Variants in SNRNP200 observed in about 807,000 individuals in gnomAD.
The protein encoded by SNRNP200 is small nuclear ribonucleoprotein U5 subunit 200.
SNRNP200 carries 66 observed loss-of-function variants against 255.2 expected under a neutral mutation model. That is an observed-to-expected ratio of 0.26 (90% CI 0.21 to 0.32). SNRNP200 has a LOEUF of 0.32. Among genes scored for constraint, SNRNP200 ranks in the 10% least tolerant of loss-of-function variants. The pLI, the probability that SNRNP200 is intolerant of heterozygous loss-of-function variation, is 1.00. For missense variants in SNRNP200, 1,585 were observed against 2,749.8 expected, an observed-to-expected ratio of 0.58 and a Z score of 9.47; for synonymous variants, 939 against 1,027.8, an observed-to-expected ratio of 0.91 and a Z score of 1.65.
chr2:96,284,067 C>A, intron 31 of SNRNP200, 63 bp from the exon 32 acceptor site: 1 of 1,475,550 alleles, frequency 6.8e-7, no homozygotes, highest in South Asian at 1.2e-5. Flanking sequence ...GCCTGGAGGT[C>A]CCCTTTGTGA....
chr2:96,292,339 G>A (rs1015333182), intron 16 of SNRNP200, among the ~76,000 whole-genome samples: 2 of 152,204 alleles, frequency 1.3e-5, no homozygotes, highest in African/African-American at 4.8e-5. Flanking sequence ...AGTCTTCCTA[G>A]TATTTAGTGC....
At chr2:96,288,805 A>G (rs1450603598) in intron 23 of SNRNP200, 59 bp from the exon 24 acceptor site, 7 of 1,450,294 alleles carry the variant, frequency 4.8e-6, no homozygotes, top group Non-Finnish European at 6.8e-6. Context: ...CAAGAAAGGG[A>G]ATTACATTTC....
chr2:96,296,786 T>C, intron 12 of SNRNP200, 95 bp from the exon 13 acceptor site: 1 of 1,560,116 alleles, frequency 6.4e-7, no homozygotes, highest in Non-Finnish European at 8.8e-7. Flanking sequence ...AGAATAGAGC[T>C]TGTCCTGGGC....
chr2:96,283,643 T>G lies in SNRNP200; in HGVS notation c.4655A>C (p.Lys1552Thr). 1 of 1,614,062 alleles carries G rather than the reference T, an allele frequency of 6.2e-7. No individual in the cohort carries two copies. The highest frequency in any genetic ancestry group is 8.5e-7 in the Non-Finnish European group (1 of 1,180,034). The change falls in exon 33 of 45, where the codon AAG becomes ACG. Residue 1552 changes from lysine to threonine, a missense_variant. Lys to Thr is a moderately conservative substitution (Grantham distance 78). Transcript: ENST00000323853. The surrounding 1 kb of genome is among the most constrained non-coding windows in gnomAD (Gnocchi z 4.7). ...AATGACAGGCTTCTTGGGCGAGTGC[T>G]TGGTGATAGCATGGTACACAGGCTT... ...MAKPVYHAIT[K>T]HSPKKPVIVF... is the part of the protein sequence containing the mutation.
chr2:96,287,341 A>T lies in SNRNP200; in HGVS notation c.3484+98T>A, dbSNP rs2063850153. On this transcript the variant is annotated intron_variant, in intron 26 of 44. Coordinates refer to ENST00000323853, the MANE Select transcript of SNRNP200 (RefSeq NM_014014.5). This position sits in a 1 kb window ranked among gnomAD's most constrained non-coding sequence, Gnocchi z 5.7. ...TCAGTGGGACTTGGGGAGTGAACAC[A>T]GGATACTAATGCACAGGCCTAGGAA... 1 of 1,176,392 alleles carries T rather than the reference A, an allele frequency of 8.5e-7. No homozygotes were observed. The allele number at this position is 1,176,392 out of a possible 1,614,324, so 72.9% of individuals were successfully genotyped here. A position where few individuals can be genotyped will look rare whatever the true frequency, so the allele number is the denominator to read the frequency against.
intron 43 of SNRNP200, among the ~76,000 whole-genome samples, chr2:96,276,053 T>G (rs1264352210): frequency 1.3e-5 from 2 of 152,134 alleles, no homozygotes; most frequent in Non-Finnish European, 2.9e-5. Flanking sequence ...CACAGAGATA[T>G]CCACAGCAGG....
At chr2:96,285,418 A>T in intron 29 of SNRNP200, 78 bp from the exon 30 acceptor site, 1 of 1,488,902 alleles carries the variant, frequency 6.7e-7, no homozygotes, top group Middle Eastern at 2.0e-4. Flanking sequence ...CAATTGTCAA[A>T]ACAAAGGACA....
chr2:96,288,514 A>G (rs1221504526), intron 24 of SNRNP200, 149 bp downstream of exon 24: 2 of 722,248 alleles, frequency 2.8e-6, no homozygotes, highest in Admixed American at 2.0e-5. Flanking sequence ...TGTACCACAC[A>G]TGCACCAACC....
rs776330357 is a variant in SNRNP200, at chr2:96,296,696, G to A, written c.1516-5C>T. ...CACGTTGGTCTTCCCAGCACCCTAC[G>A]GGAGAGGTCAGGGATGAGAACGCCT... On this transcript the variant is annotated splice_polypyrimidine_tract_variant and splice_region_variant and intron_variant, in intron 12 of 44. Coordinates refer to ENST00000323853, the MANE Select transcript of SNRNP200 (RefSeq NM_014014.5). 1.6e-5 allele frequency: 26 copies of A among 1,613,980 alleles called. No homozygotes were observed. Among genetic ancestry groups the A allele is most frequent in the Middle Eastern group, 1.6e-4 (1 of 6,084 alleles).
intron 9 of SNRNP200, 48 bp downstream of exon 9, chr2:96,298,236 G>A: frequency 6.2e-7 from 1 of 1,612,930 alleles, no homozygotes; most frequent in East Asian, 2.2e-5. Flanking sequence ...CAATCTTCTA[G>A]CCACCGTTAG....
In SNRNP200 at chr2:96,285,196, T is replaced by G. The variant is rs748415492; in HGVS notation, c.4148A>C (p.Glu1383Ala). 7.4e-6 allele frequency: 12 copies of G among 1,614,138 alleles called. No homozygotes were observed. The South Asian group carries it at 1.3e-4, about 18-fold the overall frequency. Residue 1383 changes from glutamate (E) to alanine (A), a missense_variant, in exon 30 of 45, where the codon GAG becomes GCG. Coordinates refer to ENST00000323853, the MANE Select transcript of SNRNP200 (RefSeq NM_014014.5). ...ACGTCATACCTGCTCTGCCAGGGCCTCCATGGGGGTGATGTACACACAGCG... is the reference window on the plus strand; with the variant it reads ...ACGTCATACCTGCTCTGCCAGGGCCGCCATGGGGGTGATGTACACACAGCG... Reference protein sequence around the residue: ...EGRCVYITPMEALAEQVYMDW... With the variant: ...EGRCVYITPMAALAEQVYMDW...
chr2:96,274,915 G>A lies in SNRNP200; in HGVS notation c.*97C>T, dbSNP rs1195617866. On this transcript the variant is annotated 3_prime_UTR_variant, in exon 45 of 45. Transcript: ENST00000323853. ...CCAGCCCTGGCTGGCCAGACCTGAG[G>A]CCCACAGACCTGGTCCCCACAACCA... 3 of 1,440,910 alleles carry A rather than the reference G, an allele frequency of 2.1e-6. No homozygotes were observed. The East Asian group carries it at 6.8e-5, about 33-fold the overall frequency. The allele number at this position is 1,440,910 out of a possible 1,614,324, so 89.3% of individuals were successfully genotyped here.
chr2:96,286,293 A>C lies in SNRNP200; in HGVS notation c.4003+18T>G. On this transcript the variant is annotated intron_variant, in intron 29 of 44. Transcript: ENST00000323853. The surrounding 1 kb of genome is among the most constrained non-coding windows in gnomAD (Gnocchi z 4.8). ...CGGTGACTTCAAAAGCCTCCAGAGGAGGGATGGAAACACTTACCCTGGGTC... is the reference window on the plus strand; with the variant it reads ...CGGTGACTTCAAAAGCCTCCAGAGGCGGGATGGAAACACTTACCCTGGGTC... 1.2e-6 allele frequency: 2 copies of C among 1,613,196 alleles called. No individual in the cohort carries two copies. Among genetic ancestry groups the C allele is most frequent in the African/African-American group, 2.7e-5 (2 of 75,020 alleles).
chr2:96,280,259 G>A (rs541075445), intron 35 of SNRNP200, among the ~76,000 whole-genome samples: 1 of 152,324 alleles, frequency 6.6e-6, no homozygotes, highest in Non-Finnish European at 1.5e-5. Flanking sequence ...CACTTTGGGA[G>A]GCTGAGGTGG....
Position 96,284,155 on chromosome 2 carries a change from C to A in SNRNP200, c.4393-151G>T, listed in dbSNP as rs146594434. On this transcript the variant is annotated intron_variant, in intron 31 of 44. Coordinates refer to ENST00000323853, the MANE Select transcript of SNRNP200 (RefSeq NM_014014.5). ...CATGTGTTTGGTTCTACCTCCTCCACGGCAGCCAACCTCCACTAAACAATA... is the reference window on the plus strand; with the variant it reads ...CATGTGTTTGGTTCTACCTCCTCCAAGGCAGCCAACCTCCACTAAACAATA... 29 of 879,520 alleles carry A rather than the reference C, an allele frequency of 3.3e-5. No homozygotes were observed. In the African/African-American group the frequency reaches 4.1e-4, roughly 13 times the overall value. The allele number at this position is 879,520 out of a possible 1,614,324, so 54.5% of individuals were successfully genotyped here.
Position 96,289,384 on chromosome 2 carries a change from A to T in SNRNP200, c.2941-5T>A. 6.2e-7 allele frequency: 1 copy of T among 1,613,720 alleles called. No individual in the cohort carries two copies. The highest frequency in any genetic ancestry group is 8.5e-7 in the Non-Finnish European group (1 of 1,179,896). On this transcript the variant is annotated splice_polypyrimidine_tract_variant and splice_region_variant and intron_variant, in intron 21 of 44. Coordinates refer to ENST00000323853, the MANE Select transcript of SNRNP200 (RefSeq NM_014014.5). The stretch of plus-strand genomic sequence containing the variant: ...TATACGGCCCAGTTCTGTCACCTGG[A>T]GAGAAGGTAGACTCAATCCAGTGCT...
In SNRNP200 at chr2:96,291,646, T is replaced by C. The variant is rs1558768546; in HGVS notation, c.2310+105A>G. ...CATCCAGACAATCAACCTTAACCCA[T>C]GGGAAACAACAATACCACAGTACAG... On this transcript the variant is annotated intron_variant, in intron 17 of 44. Coordinates refer to ENST00000323853, the MANE Select transcript of SNRNP200 (RefSeq NM_014014.5). This position sits in a 1 kb window ranked among gnomAD's most constrained non-coding sequence, Gnocchi z 4.2. 1 of 1,401,860 alleles carries C rather than the reference T, an allele frequency of 7.1e-7. No individual in the cohort carries two copies. The highest frequency in any genetic ancestry group is 1.0e-6 in the Non-Finnish European group (1 of 991,222). 86.8% of individuals were successfully genotyped at this position (1,401,860 alleles called of 1,614,324 possible).
Position 96,300,998 on chromosome 2 carries a change from C to T in SNRNP200, c.630G>A (p.Glu210=). 6.2e-7 allele frequency: 1 copy of T among 1,613,378 alleles called. No homozygotes were observed. The highest frequency in any genetic ancestry group is 1.7e-5 in the Admixed American group (1 of 60,014). Residue 210 remains glutamate (E), a splice_region_variant and synonymous_variant, in exon 5 of 45, where the codon GAG becomes GAA. Transcript: ENST00000323853. ...GVNVQFESDE[E]EGDEDVYGEV... ...TGGACTGGGTATGTTTATCACTCAC[C>T]TCCTCATCAGACTCAAACTGCACAT...
In SNRNP200 at chr2:96,287,781, G is replaced by A. The variant is rs976890380; in HGVS notation, c.3365+82C>T. 2 of 1,187,972 alleles carry A rather than the reference G, an allele frequency of 1.7e-6. No homozygotes were observed. The highest frequency in any genetic ancestry group is 1.3e-6 in the Non-Finnish European group (1 of 791,468). 73.6% of individuals were successfully genotyped at this position (1,187,972 alleles called of 1,614,324 possible). ...CCGATGTCAGGTCTGGAGATCAGAT[G>A]CACCCTGAGGCTTTCCCATCAGACC... On this transcript the variant is annotated intron_variant, in intron 25 of 44. Coordinates refer to ENST00000323853, the MANE Select transcript of SNRNP200 (RefSeq NM_014014.5). This position sits in a 1 kb window ranked among gnomAD's most constrained non-coding sequence, Gnocchi z 5.7.
Sources: allele counts gnomAD v4.1 joint callset (sites outside exome capture counted in the v4.1 genomes callset), GRCh38; gene constraint gnomAD v4.1.1; non-coding constraint Gnocchi (gnomAD v3.1); transcripts MANE v1.5; gene names NCBI Gene and HGNC (gene_info 2026-07-23, HGNC 2026-07-21).